Variants in CSGALNACT1 observed in about 807,000 individuals in gnomAD.
The protein encoded by CSGALNACT1 is chondroitin sulfate N-acetylgalactosaminyltransferase 1.
A neutral mutation model predicts 51.0 loss-of-function variants in CSGALNACT1; 52 were observed. That is an observed-to-expected ratio of 1.02 (90% CI 0.82 to 1.29). The LOEUF (loss-of-function observed/expected upper bound fraction) is 1.29. Ranked by LOEUF, CSGALNACT1 falls within the 50% of genes most tolerant of loss-of-function variation. The pLI is 0.00. For synonymous variants in CSGALNACT1, 341 were observed against 254.4 expected (o/e 1.34, Z -3.24); for missense variants, 935 against 679.2 (o/e 1.38, Z -4.19).
At position 19,458,506 on chromosome 8, in the gene CSGALNACT1, G is replaced by A. The variant is rs771823161; in HGVS notation, c.771C>T (p.Asn257=). 5 of 1,614,188 alleles carry A rather than the reference G, an allele frequency of 3.1e-6. No homozygotes were observed. The African/African-American group carries it at 6.7e-5, about 22-fold the overall frequency. ...TAACATTGATAAGCGTGTTGGCCAT[G>A]TTGAGCTTTTCATTTTTCACTTTCA... is the stretch of plus-strand genomic sequence containing the variant. Residue 257 remains asparagine (N), a synonymous_variant, in exon 5 of 10, where the codon AAC becomes AAT. Coordinates refer to ENST00000454498, the Ensembl canonical transcript of CSGALNACT1.
At chr8:19,659,466 T>C (rs2058578957) in intron 1 of CSGALNACT1, among the ~76,000 whole-genome samples, 3 of 152,092 alleles carry the variant, frequency 2.0e-5, no homozygotes, top group Admixed American at 2.0e-4. Flanking sequence ...TGTGACAAAC[T>C]GTGTGTGTTT....
rs80016458 is a variant in CSGALNACT1 at position 19,540,336 on chromosome 8, C to A, written c.-296-34206G>T. Among the ~76,000 whole-genome samples the A allele has an allele frequency of 2.9e-3, 438 of 152,266 alleles. 6 individuals are homozygous for A. In the East Asian group the frequency reaches 0.05, roughly 17 times the overall value. ...GGTAACATGGAAAACAGTATTTATTCTTTAGTGTTACCTGGGTCGGGATTA... is the reference window on the plus strand; with the variant it reads ...GGTAACATGGAAAACAGTATTTATTATTTAGTGTTACCTGGGTCGGGATTA... On this transcript the variant is annotated intron_variant, in intron 3 of 9. Transcript: ENST00000454498.
chr8:19,446,955 G>A (rs1163082576), intron 5 of CSGALNACT1, among the ~76,000 whole-genome samples: 2 of 152,184 alleles, frequency 1.3e-5, no homozygotes, highest in Non-Finnish European at 2.9e-5. Flanking sequence ...GGAGAGTACA[G>A]AGGCTAATTA....
intron 1 of CSGALNACT1, among the ~76,000 whole-genome samples, chr8:19,679,013 A>C (rs756211416): frequency 1.3e-5 from 2 of 152,356 alleles, no homozygotes; most frequent in East Asian, 3.9e-4. Flanking sequence ...CATTATCCCT[A>C]TTCTATGAAT....
At chr8:19,653,062 T>C (rs1450590244) in intron 1 of CSGALNACT1, among the ~76,000 whole-genome samples, 2 of 152,312 alleles carry the variant, frequency 1.3e-5, no homozygotes, top group East Asian at 1.9e-4. Flanking sequence ...AAGTGAATTA[T>C]GAACTGATGA....
At chr8:19,537,151 G>C (rs893957769) in intron 3 of CSGALNACT1, among the ~76,000 whole-genome samples, 2 of 152,138 alleles carry the variant, frequency 1.3e-5, no homozygotes, top group South Asian at 4.1e-4. Flanking sequence ...TGAGTAAGCA[G>C]AAACTAGCTC....
chr8:19,556,902 G>C (rs1351824938), intron 3 of CSGALNACT1, among the ~76,000 whole-genome samples: 4 of 150,164 alleles, frequency 2.7e-5, no homozygotes, highest in African/African-American at 7.4e-5. Flanking sequence ...CAGATACAAA[G>C]TTAGAGACAC....
intron 4 of CSGALNACT1, among the ~76,000 whole-genome samples, chr8:19,459,564 T>C (rs941395301): frequency 6.6e-6 from 1 of 152,012 alleles, no homozygotes; most frequent in Non-Finnish European, 1.5e-5. Flanking sequence ...GTGGTATCAA[T>C]ACATGATATT....
chr8:19,417,931 C>T (rs1453699471), intron 8 of CSGALNACT1, among the ~76,000 whole-genome samples: 1 of 152,190 alleles, frequency 6.6e-6, no homozygotes, highest in Non-Finnish European at 1.5e-5. Context: ...CTGCTGCTTG[C>T]ATTGCTTCTC....
intron 1 of CSGALNACT1, among the ~76,000 whole-genome samples, chr8:19,744,842 T>C (rs982404861): frequency 1.1e-4 from 17 of 152,218 alleles, no homozygotes; most frequent in African/African-American, 3.6e-4. Flanking sequence ...GAACCTTCTG[T>C]GTCTACACAC....
intron 3 of CSGALNACT1, among the ~76,000 whole-genome samples, chr8:19,580,755 T>C (rs1359216228): frequency 1.3e-5 from 2 of 152,230 alleles, no homozygotes; most frequent in Non-Finnish European, 2.9e-5. Context: ...AATAGCATTT[T>C]ACTATAACTA....
At chr8:19,724,871 C>T (rs976564650) in intron 1 of CSGALNACT1, among the ~76,000 whole-genome samples, 1 of 152,206 alleles carries the variant, frequency 6.6e-6, no homozygotes, top group Admixed American at 6.5e-5. Context: ...CAGAGTGCCA[C>T]ATGTGCTTGG....
At chr8:19,422,695 A>G (rs2058136964) in intron 6 of CSGALNACT1, among the ~76,000 whole-genome samples, 1 of 152,184 alleles carries the variant, frequency 6.6e-6, no homozygotes, top group Non-Finnish European at 1.5e-5. Context: ...CCCGTCTCCA[A>G]AGACATTCAG....
chr8:19,648,379 A>G (rs905579642), intron 1 of CSGALNACT1, among the ~76,000 whole-genome samples: 1 of 152,212 alleles, frequency 6.6e-6, no homozygotes, highest in African/African-American at 2.4e-5. Context: ...TTCTGTGAAG[A>G]GCAATTCATC....
chr8:19,474,661 G>A (rs769391370), intron 4 of CSGALNACT1, among the ~76,000 whole-genome samples: 21 of 151,910 alleles, frequency 1.4e-4, no homozygotes, highest in Non-Finnish European at 2.1e-4. Flanking sequence ...TTGAGGTCGG[G>A]AGTTCGAGAC....
chr8:19,413,345 C>G (rs995183039), intron 8 of CSGALNACT1, among the ~76,000 whole-genome samples: 2 of 152,146 alleles, frequency 1.3e-5, no homozygotes, highest in African/African-American at 4.8e-5. Context: ...CACTCGAGTT[C>G]TCACCCCTGC....
chr8:19,442,904 T>C (rs917633722), intron 5 of CSGALNACT1, among the ~76,000 whole-genome samples: 1 of 152,156 alleles, frequency 6.6e-6, no homozygotes, highest in African/African-American at 2.4e-5. Context: ...AAGCACCCAA[T>C]GTTATGACTA....
intron 1 of CSGALNACT1, among the ~76,000 whole-genome samples, chr8:19,649,852 G>A (rs112160480): frequency 9.5e-5 from 3 of 31,662 alleles, no homozygotes; most frequent in African/African-American, 2.0e-4. Context: ...AAAACCACGG[G>A]GGGAGGCATT....
chr8:19,496,116 A>G (rs2075398370), intron 4 of CSGALNACT1, among the ~76,000 whole-genome samples: 2 of 152,236 alleles, frequency 1.3e-5, no homozygotes, highest in Non-Finnish European at 2.9e-5. Context: ...AATTTCCACA[A>G]TAAGAACAGC....
Sources: gnomAD v4.1 joint callset for allele counts (sites outside exome capture counted in the v4.1 genomes callset) on GRCh38, gnomAD v4.1.1 for gene constraint, MANE v1.5 for transcripts, NCBI Gene and HGNC (gene_info 2026-07-23, HGNC 2026-07-21) for gene names.